Variants in SLC35F4 observed in about 807,000 individuals in gnomAD.
The protein encoded by SLC35F4 is chromosome 14 open reading frame 36.
SLC35F4 carries 24 observed loss-of-function variants against 44.2 expected under a neutral mutation model. That is an observed-to-expected ratio of 0.54 (90% CI 0.39 to 0.76). SLC35F4 has a LOEUF of 0.76. SLC35F4 is among the 30% of genes least tolerant of loss of function. SLC35F4 has a pLI of 0.00. For missense variants in SLC35F4, 562 were observed against 586.1 expected (o/e 0.96, Z 0.42); for synonymous variants, 238 against 223.6 (o/e 1.06, Z -0.57).
chr14:57,947,883 A>T (rs1890064631), intron 1 of SLC35F4, among the ~76,000 whole-genome samples: 1 of 152,160 alleles, frequency 6.6e-6, no homozygotes. Context: ...AACCCACTTG[A>T]TCATGATGTA....
intron 1 of SLC35F4, among the ~76,000 whole-genome samples, chr14:57,647,691 T>C (rs1032468830): frequency 6.6e-5 from 10 of 152,166 alleles, no homozygotes; most frequent in African/African-American, 2.4e-4. Flanking sequence ...CTGAACCTTT[T>C]CCTAGACCCA....
chr14:57,957,127 A>G (rs1890252077), intron 1 of SLC35F4, among the ~76,000 whole-genome samples: 2 of 152,234 alleles, frequency 1.3e-5, no homozygotes, highest in Admixed American at 1.3e-4. Flanking sequence ...GGATGAGTTC[A>G]TGTCCTTTGC....
At chr14:57,770,886 C>A (rs1324482621) in intron 1 of SLC35F4, among the ~76,000 whole-genome samples, 2 of 152,060 alleles carry the variant, frequency 1.3e-5, no homozygotes, top group Non-Finnish European at 2.9e-5. Flanking sequence ...TACCCAAAAC[C>A]CTATTTGGTC....
At chr14:57,806,736 T>C (rs1881364866) in intron 1 of SLC35F4, among the ~76,000 whole-genome samples, 5 of 152,244 alleles carry the variant, frequency 3.3e-5, no homozygotes, top group Non-Finnish European at 2.9e-5. Flanking sequence ...TAACAAACAT[T>C]AAAAGCCTGA....
chr14:57,695,357 G>T (rs560642469), intron 1 of SLC35F4, among the ~76,000 whole-genome samples: 1 of 151,180 alleles, frequency 6.6e-6, no homozygotes, highest in Non-Finnish European at 1.5e-5. Flanking sequence ...AAAAGTGGGC[G>T]AAGCACATGA....
chr14:57,682,988 G>A (rs139651251), intron 1 of SLC35F4, among the ~76,000 whole-genome samples: 69 of 152,228 alleles, frequency 4.5e-4, no homozygotes, highest in African/African-American at 1.4e-3. Context: ...AGGTAAGAGC[G>A]GAGTATTAAC....
chr14:57,633,403 A>G (rs774811154), intron 1 of SLC35F4, among the ~76,000 whole-genome samples: 8 of 152,160 alleles, frequency 5.3e-5, no homozygotes, highest in Admixed American at 3.3e-4. Context: ...TGATGTTGTC[A>G]GTGTTCTGAT....
chr14:57,784,603 G>A (rs2077712175), intron 1 of SLC35F4, among the ~76,000 whole-genome samples: 1 of 152,136 alleles, frequency 6.6e-6, no homozygotes, highest in South Asian at 2.1e-4. Context: ...CTTGCGCCCA[G>A]GAGGTTGACG....
At chr14:57,766,660 T>C (rs1487649968) in intron 1 of SLC35F4, among the ~76,000 whole-genome samples, 1 of 152,230 alleles carries the variant, frequency 6.6e-6, no homozygotes, top group Non-Finnish European at 1.5e-5. Flanking sequence ...AAATTCAAAT[T>C]TATTTTATAG....
At chr14:57,870,786 T>G (rs558653408), upstream of SLC35F4, among the ~76,000 whole-genome samples, 2 of 152,366 alleles carry the variant, frequency 1.3e-5, no homozygotes, top group South Asian at 4.1e-4. Context: ...GATTTACACT[T>G]TCACTCTCCA....
chr14:57,837,203 A>G (rs1009896125), intron 1 of SLC35F4, among the ~76,000 whole-genome samples: 30 of 152,334 alleles, frequency 2.0e-4, no homozygotes, highest in African/African-American at 7.2e-4. Context: ...TCTGAGTACC[A>G]CCTAAATCTT....
At chr14:57,643,158 T>A (rs1026760424) in intron 1 of SLC35F4, among the ~76,000 whole-genome samples, 13 of 151,604 alleles carry the variant, frequency 8.6e-5, no homozygotes, top group African/African-American at 2.9e-4. Flanking sequence ...AAAAAAAAAA[T>A]AAAACACTTA....
chr14:57,589,131 A>G, intron 3 of SLC35F4, 85 bp downstream of exon 3: 2 of 1,443,200 alleles, frequency 1.4e-6, no homozygotes, highest in Non-Finnish European at 1.9e-6. Context: ...AAAAAACTCA[A>G]CTCATATTCC....
At chr14:57,866,855 A>G (rs1467322067), upstream of SLC35F4, among the ~76,000 whole-genome samples, 1 of 151,940 alleles carries the variant, frequency 6.6e-6, no homozygotes, top group Admixed American at 6.6e-5. Context: ...CCCTCCCCTC[A>G]GGTGTGGGAC....
intron 1 of SLC35F4, among the ~76,000 whole-genome samples, chr14:57,836,386 T>C (rs1280669777): frequency 6.6e-6 from 1 of 152,098 alleles, no homozygotes; most frequent in African/African-American, 2.4e-5. Context: ...TCCGACTCCC[T>C]GGTTCAAGTG....
chr14:57,631,545 C>G (rs1034898911), intron 1 of SLC35F4, among the ~76,000 whole-genome samples: 1 of 152,020 alleles, frequency 6.6e-6, no homozygotes, highest in Non-Finnish European at 1.5e-5. Context: ...GCATTTGTAT[C>G]AAAATTTGCC....
intron 1 of SLC35F4, among the ~76,000 whole-genome samples, chr14:57,891,309 T>G (rs914314856): frequency 6.6e-6 from 1 of 152,176 alleles, no homozygotes; most frequent in African/African-American, 2.4e-5. Context: ...TTTATGCAGT[T>G]ACAACACTGC....
intron 1 of SLC35F4, among the ~76,000 whole-genome samples, chr14:57,888,683 G>A (rs375645239): frequency 7.9e-5 from 12 of 152,224 alleles, no homozygotes; most frequent in South Asian, 2.1e-4. Context: ...GAAGTTAAAC[G>A]ATTTGTACTT....
At chr14:57,609,696 T>C (rs1195534583) in intron 1 of SLC35F4, among the ~76,000 whole-genome samples, 1 of 152,254 alleles carries the variant, frequency 6.6e-6, no homozygotes, top group Non-Finnish European at 1.5e-5. Context: ...ATTTATCTGA[T>C]GGAGTGAAAG....
Sources: allele counts gnomAD v4.1 joint callset (sites outside exome capture counted in the v4.1 genomes callset), GRCh38; gene constraint gnomAD v4.1.1; transcripts MANE v1.5; gene names NCBI Gene and HGNC (gene_info 2026-07-23, HGNC 2026-07-21).